The following FAT3 variants were observed in gnomAD, a reference collection of about 807,000 sequenced individuals.
The protein encoded by FAT3 is protocadherin Fat 3.
A neutral mutation model predicts 310.2 loss-of-function variants in FAT3; 95 were observed. The observed-to-expected ratio is 0.31, with a 90% CI of 0.26 to 0.36. The LOEUF (loss-of-function observed/expected upper bound fraction) is 0.36, where lower values mean the gene tolerates loss of function less well. Among genes scored for constraint, FAT3 ranks in the 10% least tolerant of loss-of-function variants. The pLI, the probability that FAT3 is intolerant of heterozygous loss-of-function variation, is 1.00. For synonymous variants in FAT3, 2,314 were observed against 2,192.9 expected (o/e 1.06, Z -1.54); for missense variants, 5,408 against 5,715.6 (o/e 0.95, Z 1.74).
At chr11:92,625,218 T>C (rs1437991629) in intron 3 of FAT3, among the ~76,000 whole-genome samples, 1 of 152,160 alleles carries the variant, frequency 6.6e-6, no homozygotes, top group African/African-American at 2.4e-5. Context: ...TATTATAGTA[T>C]TATGGCCCAA....
At chr11:92,420,470 T>A (rs533177792) in intron 2 of FAT3, among the ~76,000 whole-genome samples, 1 of 152,138 alleles carries the variant, frequency 6.6e-6, no homozygotes, top group Non-Finnish European at 1.5e-5. Context: ...CCTCTTCTTG[T>A]CTCCCACTCA....
chr11:92,467,732 A>G (rs1194121512), intron 2 of FAT3, among the ~76,000 whole-genome samples: 2 of 152,148 alleles, frequency 1.3e-5, no homozygotes, highest in African/African-American at 4.8e-5. Flanking sequence ...GGCTGAGCTT[A>G]TGCCATGTTC....
chr11:92,605,719 G>GTTTTTTT (rs5793613), intron 3 of FAT3, among the ~76,000 whole-genome samples: 8 of 99,752 alleles, frequency 8.0e-5, no homozygotes, highest in African/African-American at 2.1e-4. Flanking sequence ...AAATAGCTAT[G>GTTTTTTT]TTTTTTTTTT....
At chr11:92,674,302 T>C (rs1591594005) in intron 3 of FAT3, among the ~76,000 whole-genome samples, 1 of 151,420 alleles carries the variant, frequency 6.6e-6, no homozygotes, top group East Asian at 1.9e-4. Context: ...ACTGTGATAT[T>C]GGTTCCTCTA....
chr11:92,464,700 G>A (rs998759762), intron 2 of FAT3, among the ~76,000 whole-genome samples: 4 of 152,178 alleles, frequency 2.6e-5, no homozygotes, highest in East Asian at 3.9e-4. Flanking sequence ...AGGATAAGTC[G>A]GAAAAATAAG....
chr11:92,693,663 C>T (rs181761405), intron 3 of FAT3, among the ~76,000 whole-genome samples: 71 of 152,228 alleles, frequency 4.7e-4, no homozygotes, highest in East Asian at 3.5e-3. Flanking sequence ...GCTGAGGTGC[C>T]GTAGCTCATC....
chr11:92,600,887 A>T (rs985734100), intron 3 of FAT3, among the ~76,000 whole-genome samples: 2 of 152,172 alleles, frequency 1.3e-5, no homozygotes, highest in Non-Finnish European at 2.9e-5. Context: ...GTAAGATTTC[A>T]GTTGAAATTG....
At chr11:92,423,320 A>G (rs890813028) in intron 2 of FAT3, among the ~76,000 whole-genome samples, 3 of 152,176 alleles carry the variant, frequency 2.0e-5, no homozygotes, top group African/African-American at 7.2e-5. Flanking sequence ...AAAATATAAA[A>G]CAGCTCATTG....
chr11:92,226,993 A>G (rs1194235282), intron 1 of FAT3, among the ~76,000 whole-genome samples: 1 of 152,042 alleles, frequency 6.6e-6, no homozygotes, highest in Non-Finnish European at 1.5e-5. Flanking sequence ...ACCCGCGAGA[A>G]CCTCCCCCAA....
intron 1 of FAT3, among the ~76,000 whole-genome samples, chr11:92,337,414 G>A (rs1948118201): frequency 6.6e-6 from 1 of 152,088 alleles, no homozygotes; most frequent in East Asian, 1.9e-4. Flanking sequence ...TTTTGATCTG[G>A]AAAACAGTTT....
intron 3 of FAT3, among the ~76,000 whole-genome samples, chr11:92,593,834 A>G (rs1939567135): frequency 6.6e-6 from 1 of 152,198 alleles, no homozygotes; most frequent in African/African-American, 2.4e-5. Flanking sequence ...AGGCCAGGAA[A>G]GTCTATTGAA....
chr11:92,689,849 C>T (rs1943746281), intron 3 of FAT3, among the ~76,000 whole-genome samples: 1 of 152,160 alleles, frequency 6.6e-6, no homozygotes. Flanking sequence ...ACAAGATCAT[C>T]TTCACTACTC....
intron 2 of FAT3, among the ~76,000 whole-genome samples, chr11:92,428,081 C>A (rs1273709495): frequency 1.3e-5 from 2 of 151,912 alleles, no homozygotes; most frequent in Admixed American, 6.6e-5. Context: ...AGGGATTTGA[C>A]TTCTTCCTGG....
intron 3 of FAT3, among the ~76,000 whole-genome samples, chr11:92,615,853 A>G (rs777365563): frequency 1.3e-5 from 2 of 152,116 alleles, no homozygotes; most frequent in Non-Finnish European, 2.9e-5. Flanking sequence ...AGTTTGTTAT[A>G]ATTTCTTTTC....
chr11:92,814,177 A>G (rs3912659), intron 13 of FAT3, among the ~76,000 whole-genome samples: 69,643 of 152,064 alleles, frequency 0.46, 17,890 homozygotes, highest in East Asian at 0.8. Flanking sequence ...ACGAAGTCTC[A>G]GGTATTTTTT....
At chr11:92,858,584 G>A (rs1292992258) in intron 20 of FAT3, among the ~76,000 whole-genome samples, 1 of 152,172 alleles carries the variant, frequency 6.6e-6, no homozygotes, top group Admixed American at 6.6e-5. Context: ...GAGCAATCGA[G>A]TTGGACAAAA....
chr11:92,564,203 A>C (rs1197425769), intron 3 of FAT3, among the ~76,000 whole-genome samples: 3 of 152,158 alleles, frequency 2.0e-5, no homozygotes, highest in African/African-American at 7.2e-5. Flanking sequence ...TCTATCAAAC[A>C]AATGGAAAAC....
Position 92,801,824 on chromosome 11 carries a change from C to T in FAT3, c.8811C>T (p.Asp2937=), listed in dbSNP as rs1947365077. 1.9e-6 allele frequency: 3 copies of T among 1,613,804 alleles called. No individual in the cohort carries two copies. The highest frequency in any genetic ancestry group is 2.5e-6 in the Non-Finnish European group (3 of 1,179,830). ...EVYRGNVKES[D]PPGEVVAVLS... The stretch of plus-strand genomic sequence containing the variant: ...ACCGAGGGAATGTGAAGGAGAGCGA[C>T]CCACCGGGCGAGGTGGTAGCCGTCC... Residue 2937 remains aspartate, a synonymous_variant, in exon 10 of 28, where the codon GAC becomes GAT. Transcript: ENST00000525166.
At chr11:92,850,022 A>G (rs140622926) in intron 19 of FAT3, among the ~76,000 whole-genome samples, 23 of 152,322 alleles carry the variant, frequency 1.5e-4, no homozygotes, top group Middle Eastern at 3.4e-3. Context: ...GTAAAATAAA[A>G]TGATGACAGC....
Sources: gnomAD v4.1 joint callset for allele counts (sites outside exome capture counted in the v4.1 genomes callset) on GRCh38, gnomAD v4.1.1 for gene constraint, MANE v1.5 for transcripts, NCBI Gene and HGNC (gene_info 2026-07-23, HGNC 2026-07-21) for gene names.